The following SWT1 variants were observed in gnomAD, a reference collection of about 807,000 sequenced individuals.
The protein encoded by SWT1 is SWT1 RNA endoribonuclease homolog.
In SWT1, 33 loss-of-function variants were observed where a neutral mutation model predicts 107.3. That is an observed-to-expected ratio of 0.31 (90% CI 0.23 to 0.41). SWT1 has a LOEUF of 0.41. Ranked by LOEUF, SWT1 falls within the 10% of genes least tolerant of loss-of-function variation. SWT1 has a pLI of 1.00. For synonymous variants in SWT1, 345 were observed against 348.3 expected, an observed-to-expected ratio of 0.99 and a Z score of 0.11; for missense variants, 898 against 1,028.9, an observed-to-expected ratio of 0.87 and a Z score of 1.74.
At chr1:185,181,050 C>T (rs901582525) in intron 6 of SWT1, among the ~76,000 whole-genome samples, 3 of 152,050 alleles carry the variant, frequency 2.0e-5, no homozygotes, top group Non-Finnish European at 4.4e-5. Context: ...GGTGGAGTAC[C>T]CGAGGTCAGG....
chr1:185,176,529 C>T (rs1235192939), intron 5 of SWT1: 2 of 966,806 alleles, frequency 2.1e-6, no homozygotes, highest in African/African-American at 1.8e-5. Context: ...ACTTTGAGAA[C>T]CTAATCTCTA....
chr1:185,177,405 TA>T, intron 5 of SWT1, among the ~76,000 whole-genome samples: 1 of 152,216 alleles, frequency 6.6e-6, no homozygotes, highest in African/African-American at 2.4e-5. Flanking sequence ...ATAGCAAGAA[TA>T]TTAAGTTGCA....
chr1:185,161,034 C>T (rs1051972874), intron 2 of SWT1, 109 bp downstream of exon 2: 9 of 806,252 alleles, frequency 1.1e-5, no homozygotes, highest in Admixed American at 2.8e-5. Context: ...TTGTTCTGCT[C>T]AGCCGATCCA....
At chr1:185,207,368 AAGGGGGAGCCCAGT>A (rs1658418099) in intron 13 of SWT1, among the ~76,000 whole-genome samples, 1 of 152,174 alleles carries the variant, frequency 6.6e-6, no homozygotes, top group African/African-American at 2.4e-5. Flanking sequence ...GGAAAGATTG[AAGGGGGAGCCCAGT>A]AGGTGGTGCC....
chr1:185,222,103 CA>C, intron 15 of SWT1, 67 bp downstream of exon 15: 1 of 1,094,646 alleles, frequency 9.1e-7, no homozygotes, highest in South Asian at 2.4e-5. Context: ...TACATATTTA[CA>C]GGGTACAATT....
At chr1:185,256,832 G>A (rs559564576) in intron 16 of SWT1, among the ~76,000 whole-genome samples, 2 of 152,182 alleles carry the variant, frequency 1.3e-5, no homozygotes, top group African/African-American at 4.8e-5. Flanking sequence ...GAGGAACTGC[G>A]TTCCTTTGGA....
At chr1:185,239,461 A>G (rs931896180) in intron 16 of SWT1, among the ~76,000 whole-genome samples, 56 of 152,110 alleles carry the variant, frequency 3.7e-4, no homozygotes, top group African/African-American at 1.4e-3. Flanking sequence ...GTATGGTTAT[A>G]TATTTGGCAG....
intron 16 of SWT1, among the ~76,000 whole-genome samples, chr1:185,264,938 ATTCTT>A (rs1009171561): frequency 2.0e-5 from 3 of 152,196 alleles, no homozygotes; most frequent in African/African-American, 7.2e-5. Flanking sequence ...CATATAATCT[ATTCTT>A]TTAACAATCA....
chr1:185,228,752 A>G (rs1028511897), intron 15 of SWT1, among the ~76,000 whole-genome samples: 11 of 152,188 alleles, frequency 7.2e-5, no homozygotes, highest in African/African-American at 2.7e-4. Context: ...TGGTAATTAC[A>G]GTGTTAGAGA....
chr1:185,271,436 A>C lies in SWT1; in HGVS notation c.2508+47A>C, dbSNP rs187245746. On this transcript the variant is annotated intron_variant, in intron 17 of 18. Transcript: ENST00000367500. ...ATTTATCACATTTCTACTTTAAACA[A>C]ATTTTAATGTAAATAAACAGAGTAG... is the stretch of plus-strand genomic sequence containing the variant. The C allele has an allele frequency of 2.9e-4, 277 of 962,528 alleles. No homozygotes were observed. The African/African-American group carries it at 4.1e-3, about 14-fold the overall frequency. 59.6% of individuals were successfully genotyped at this position (962,528 alleles called of 1,614,324 possible).
At chr1:185,290,344 TG>T in intron 18 of SWT1, among the ~76,000 whole-genome samples, 1 of 151,860 alleles carries the variant, frequency 6.6e-6, no homozygotes, top group South Asian at 2.1e-4. Context: ...TGGGAGGCCA[TG>T]GTAGGAGGAT....
At chr1:185,220,233 T>A (rs1571539128) in intron 14 of SWT1, among the ~76,000 whole-genome samples, 1 of 150,256 alleles carries the variant, frequency 6.7e-6, no homozygotes, top group Admixed American at 6.6e-5. Context: ...TGTCTCTTTT[T>A]CTTTTCTTTC....
chr1:185,200,057 G>T (rs1657737932), intron 10 of SWT1, among the ~76,000 whole-genome samples: 1 of 151,896 alleles, frequency 6.6e-6, no homozygotes, highest in Non-Finnish European at 1.5e-5. Context: ...ACTTGTGTAT[G>T]CTTTACGAAG....
chr1:185,168,530 T>C lies in SWT1; in HGVS notation c.224+132T>C, dbSNP rs556771393. The C allele has an allele frequency of 1.1e-4, 38 of 358,502 alleles. 1 individual carries two copies. The South Asian group carries it at 2.3e-3, about 22-fold the overall frequency. The allele number at this position is 358,502 out of a possible 1,614,324, so 22.2% of individuals were successfully genotyped here. A position where few individuals can be genotyped will look rare whatever the true frequency, so the allele number is the denominator to read the frequency against. On this transcript the variant is annotated intron_variant, in intron 4 of 18. Coordinates refer to ENST00000367500, the MANE Select transcript of SWT1 (RefSeq NM_017673.7). Reference sequence around the variant, plus strand: ...CAAATATCTCTAGCTATATAACTGATTATGATTATAGAATTGTCTTAATAT... The same window carrying C: ...CAAATATCTCTAGCTATATAACTGACTATGATTATAGAATTGTCTTAATAT...
intron 12 of SWT1, among the ~76,000 whole-genome samples, chr1:185,205,433 A>T (rs1658255918): frequency 6.6e-6 from 1 of 152,176 alleles, no homozygotes. Context: ...CAATGGCATG[A>T]TCTTGGCTCA....
chr1:185,200,031 C>T (rs1240682715), intron 10 of SWT1, among the ~76,000 whole-genome samples: 2 of 151,826 alleles, frequency 1.3e-5, no homozygotes, highest in African/African-American at 2.4e-5. Flanking sequence ...TCCGCTTGAT[C>T]GGTTTGGCTG....
intron 18 of SWT1, among the ~76,000 whole-genome samples, chr1:185,286,173 A>G (rs778683566): frequency 1.3e-5 from 2 of 152,162 alleles, no homozygotes; most frequent in African/African-American, 2.4e-5. Context: ...GTCCATTAAC[A>G]TAGGATGCTT....
At chr1:185,166,718 A>G (rs977422965) in intron 3 of SWT1, 66 bp downstream of exon 3, 4 of 1,054,308 alleles carry the variant, frequency 3.8e-6, no homozygotes, top group Middle Eastern at 2.3e-4. Context: ...AGTGTTTGTG[A>G]TATAAATTCC....
At chr1:185,248,086 A>G (rs996181704) in intron 16 of SWT1, among the ~76,000 whole-genome samples, 3 of 152,214 alleles carry the variant, frequency 2.0e-5, no homozygotes, top group Admixed American at 6.5e-5. Flanking sequence ...CAAAAAGTCA[A>G]CAGTTCCTTC....
Sources: allele counts gnomAD v4.1 joint callset (sites outside exome capture counted in the v4.1 genomes callset), GRCh38; gene constraint gnomAD v4.1.1; transcripts MANE v1.5; gene names NCBI Gene and HGNC (gene_info 2026-07-23, HGNC 2026-07-21).